PARD3B: variants seen among roughly 807,000 people sequenced by gnomAD.
PARD3B encodes the protein partitioning defective 3 homolog B.
Under a neutral mutation model 130.2 loss-of-function variants are expected in PARD3B, and 103 were observed. The observed-to-expected ratio is 0.79, with a 90% CI of 0.67 to 0.93. The LOEUF is 0.93. Among genes scored for constraint, PARD3B ranks in the 40% least tolerant of loss-of-function variants. The probability of loss-of-function intolerance (pLI) is 0.00; values close to 1 mark genes in which losing one functional copy is unlikely to be tolerated. For synonymous variants in PARD3B, 583 were observed against 553.2 expected (o/e 1.05, Z -0.76); for missense variants, 1,609 against 1,499.2 (o/e 1.07, Z -1.21).
chr2:204,990,686 G>C (rs1559332646), intron 3 of PARD3B, among the ~76,000 whole-genome samples: 1 of 151,982 alleles, frequency 6.6e-6, no homozygotes, highest in African/African-American at 2.4e-5. Flanking sequence ...TTAATGACTT[G>C]TCTTCTCTTC....
intron 1 of PARD3B, among the ~76,000 whole-genome samples, chr2:204,630,898 C>CA (rs1312609844): frequency 6.6e-6 from 1 of 151,618 alleles, no homozygotes; most frequent in African/African-American, 2.4e-5. Context: ...TTAATTTTTT[C>CA]AAAAAACCAG....
chr2:205,495,049 T>A (rs1463270932), intron 20 of PARD3B, among the ~76,000 whole-genome samples: 1 of 152,142 alleles, frequency 6.6e-6, no homozygotes, highest in Non-Finnish European at 1.5e-5. Flanking sequence ...TTTTAAAAAG[T>A]ACTACAGTTG....
intron 1 of PARD3B, among the ~76,000 whole-genome samples, chr2:204,582,332 C>T (rs1194848561): frequency 1.3e-5 from 2 of 152,154 alleles, no homozygotes; most frequent in Non-Finnish European, 2.9e-5. Context: ...TGTGTGTGCA[C>T]AGCTGGAAAA....
intron 2 of PARD3B, among the ~76,000 whole-genome samples, chr2:204,854,638 A>G (rs2044845836): frequency 6.6e-6 from 1 of 152,200 alleles, no homozygotes; most frequent in South Asian, 2.1e-4. Flanking sequence ...GCAGATACTC[A>G]ATAGCTTTCA....
chr2:205,312,753 T>G (rs970148169), intron 18 of PARD3B, among the ~76,000 whole-genome samples: 1 of 152,242 alleles, frequency 6.6e-6, no homozygotes, highest in African/African-American at 2.4e-5. Flanking sequence ...AATTTTCCTT[T>G]GAGCTAAATG....
At chr2:204,995,109 T>C (rs1206428187) in intron 3 of PARD3B, among the ~76,000 whole-genome samples, 2 of 152,042 alleles carry the variant, frequency 1.3e-5, no homozygotes, top group Admixed American at 6.5e-5. Context: ...ATGTGTGAAT[T>C]TGATCCTGTC....
chr2:204,566,400 C>G (rs1390515941), intron 1 of PARD3B, among the ~76,000 whole-genome samples: 1 of 152,128 alleles, frequency 6.6e-6, no homozygotes, highest in Admixed American at 6.5e-5. Context: ...AGGCCTTCAG[C>G]AATGTCAGTG....
intron 2 of PARD3B, among the ~76,000 whole-genome samples, chr2:204,882,943 T>G (rs1270697665): frequency 2.6e-5 from 4 of 152,154 alleles, no homozygotes; most frequent in African/African-American, 9.7e-5. Context: ...ATTGCTTTAC[T>G]TGGAAAAAGG....
intron 16 of PARD3B, among the ~76,000 whole-genome samples, chr2:205,254,760 G>C (rs984034037): frequency 6.6e-6 from 1 of 151,252 alleles, no homozygotes; most frequent in African/African-American, 2.4e-5. Flanking sequence ...GCCCCCCGGG[G>C]TTCACGCCAT....
chr2:205,411,384 GA>G (rs1209563141), intron 19 of PARD3B, among the ~76,000 whole-genome samples: 1 of 152,140 alleles, frequency 6.6e-6, no homozygotes, highest in East Asian at 1.9e-4. Context: ...TGGCCCCAGA[GA>G]GATGCATGGC....
chr2:204,750,387 C>T (rs577235257), intron 2 of PARD3B, among the ~76,000 whole-genome samples: 1 of 152,136 alleles, frequency 6.6e-6, no homozygotes, highest in Non-Finnish European at 1.5e-5. Context: ...AGTTCAAGAC[C>T]AGCCTGGGCA....
chr2:205,277,454 A>T (rs778540846), intron 16 of PARD3B, among the ~76,000 whole-genome samples: 2 of 152,218 alleles, frequency 1.3e-5, no homozygotes, highest in Non-Finnish European at 2.9e-5. Flanking sequence ...ATAAATATAT[A>T]TTAGTCATTA....
At chr2:205,491,163 A>G (rs1284281611) in intron 20 of PARD3B, among the ~76,000 whole-genome samples, 1 of 152,138 alleles carries the variant, frequency 6.6e-6, no homozygotes, top group Non-Finnish European at 1.5e-5. Flanking sequence ...TTGGTGTTTT[A>G]GACATGAAGT....
intron 18 of PARD3B, among the ~76,000 whole-genome samples, chr2:205,320,395 T>C (rs2042712926): frequency 2.0e-5 from 3 of 152,160 alleles, no homozygotes; most frequent in African/African-American, 7.2e-5. Context: ...TAGAATGTAC[T>C]AGTGAGCTCT....
intron 13 of PARD3B, among the ~76,000 whole-genome samples, chr2:205,184,186 A>G (rs1183413411): frequency 1.3e-5 from 2 of 152,156 alleles, no homozygotes; most frequent in African/African-American, 4.8e-5. Flanking sequence ...CCAGAATAAT[A>G]TCTAGGTACC....
chr2:204,813,247 A>G (rs1319456398), intron 2 of PARD3B, among the ~76,000 whole-genome samples: 1 of 152,116 alleles, frequency 6.6e-6, no homozygotes, highest in African/African-American at 2.4e-5. Flanking sequence ...TCATTTTAAT[A>G]GTTGTGGGTT....
At chr2:204,834,708 G>A (rs187310965) in intron 2 of PARD3B, among the ~76,000 whole-genome samples, 1 of 152,290 alleles carries the variant, frequency 6.6e-6, no homozygotes, top group African/African-American at 2.4e-5. Flanking sequence ...AAGGAAAATA[G>A]GAGTTAGAGC....
chr2:204,829,455 A>T (rs1319392992), intron 2 of PARD3B, among the ~76,000 whole-genome samples: 2 of 152,150 alleles, frequency 1.3e-5, no homozygotes, highest in African/African-American at 4.8e-5. Context: ...CTCTTAGGAG[A>T]GAGGGCATTT....
intron 2 of PARD3B, among the ~76,000 whole-genome samples, chr2:204,915,078 T>G (rs891070627): frequency 2.0e-5 from 3 of 152,170 alleles, no homozygotes; most frequent in Non-Finnish European, 4.4e-5. Flanking sequence ...CCGCTGTTAA[T>G]CTGCACCCTT....
Sources: allele counts gnomAD v4.1 joint callset (sites outside exome capture counted in the v4.1 genomes callset), GRCh38; gene constraint gnomAD v4.1.1; transcripts MANE v1.5; gene names NCBI Gene and HGNC (gene_info 2026-07-23, HGNC 2026-07-21).